STOX2: variants seen among roughly 807,000 people sequenced by gnomAD.
STOX2 encodes the protein storkhead-box protein 2.
A neutral mutation model predicts 60.9 loss-of-function variants in STOX2; 28 were observed. That is an observed-to-expected ratio of 0.46 (90% CI 0.34 to 0.63). The LOEUF is 0.63. Ranked by LOEUF, STOX2 falls within the 30% of genes least tolerant of loss-of-function variation. The pLI, the probability that STOX2 is intolerant of heterozygous loss-of-function variation, is 0.01. For missense variants in STOX2, 1,024 were observed against 1,187.7 expected (o/e 0.86, Z 2.03); for synonymous variants, 472 against 463.9 (o/e 1.02, Z -0.22).
intron 1 of STOX2, among the ~76,000 whole-genome samples, chr4:183,969,399 A>G (rs562345781): frequency 1.3e-5 from 2 of 152,320 alleles, no homozygotes; most frequent in African/African-American, 4.8e-5. Context: ...ATTTGGAAAC[A>G]TTTACTTTTA....
At chr4:183,981,063 A>G (rs757309446) in intron 1 of STOX2, among the ~76,000 whole-genome samples, 16 of 152,194 alleles carry the variant, frequency 1.1e-4, no homozygotes, top group Non-Finnish European at 2.2e-4. Context: ...GGGAAATACC[A>G]TTTTTAGGGC....
chr4:184,012,571 T>C (rs1407953147), intron 3 of STOX2, among the ~76,000 whole-genome samples: 14 of 152,204 alleles, frequency 9.2e-5, no homozygotes, highest in Non-Finnish European at 1.8e-4. Flanking sequence ...CTTTGTGATT[T>C]ATTAAAGGGC....
chr4:183,999,730 A>G (rs905623975), intron 1 of STOX2, among the ~76,000 whole-genome samples: 4 of 152,090 alleles, frequency 2.6e-5, no homozygotes, highest in African/African-American at 9.7e-5. Context: ...CATCGAGCAA[A>G]CCATTTCTCT....
Position 184,021,021 on chromosome 4 carries a change from T to C in STOX2, c.*3737T>C, listed in dbSNP as rs1186528667. ...GGATAAACCACTTATCACCACCAAG[T>C]GTACTTGAAAATAAAGTTTTTAACT... On this transcript the variant is annotated 3_prime_UTR_variant, in exon 4 of 4. Coordinates refer to ENST00000308497, the MANE Select transcript of STOX2 (RefSeq NM_020225.3). 1 of 152,236 alleles carries C rather than the reference T, an allele frequency of 6.6e-6. No homozygotes were observed. The highest frequency in any genetic ancestry group is 1.5e-5 in the Non-Finnish European group (1 of 68,048). The allele number at this position is 152,236 out of a possible 1,614,324, so 9.4% of individuals were successfully genotyped here.
chr4:183,957,837 A>T (rs997729350), intron 1 of STOX2, among the ~76,000 whole-genome samples: 2 of 151,714 alleles, frequency 1.3e-5, no homozygotes, highest in African/African-American at 4.8e-5. Flanking sequence ...AATATCGTGA[A>T]TAAGGCACCC....
At position 184,001,482 on chromosome 4, in the gene STOX2, C is replaced by G; in HGVS notation, c.319+5C>G. ...ACCTGACCACGTGCTTCCCAGGTAACGAGGCGGGAACGTAGCACTTTCCAG... is the reference window on the plus strand; with the variant it reads ...ACCTGACCACGTGCTTCCCAGGTAAGGAGGCGGGAACGTAGCACTTTCCAG... On this transcript the variant is annotated splice_donor_5th_base_variant and intron_variant, in intron 2 of 3. Coordinates refer to ENST00000308497, the MANE Select transcript of STOX2 (RefSeq NM_020225.3). This position sits in a 1 kb window ranked among gnomAD's most constrained non-coding sequence, Gnocchi z 4.2. The G allele has an allele frequency of 2.5e-6, 4 of 1,613,386 alleles. No homozygotes were observed. Among genetic ancestry groups the G allele is most frequent in the South Asian group, 2.2e-5 (2 of 91,010 alleles).
intron 1 of STOX2, among the ~76,000 whole-genome samples, chr4:183,852,628 A>G (rs931221887): frequency 3.3e-5 from 5 of 152,216 alleles, no homozygotes; most frequent in Non-Finnish European, 5.9e-5. Flanking sequence ...AGGTTGAACG[A>G]TCTGACCACA....
chr4:183,970,181 TGG>T lies in STOX2; in HGVS notation c.167-31141_167-31140del, dbSNP rs61235252. 1.5e-3 allele frequency among the ~76,000 whole-genome samples: 211 copies of T among 136,478 alleles called. 1 individual carries two copies. Among genetic ancestry groups the T allele is most frequent in the African/African-American group, 5.8e-3 (203 of 35,290 alleles). 89.5% of individuals were successfully genotyped at this position (136,478 alleles called of 152,430 possible). A position where few individuals can be genotyped will look rare whatever the true frequency, so the allele number is the denominator to read the frequency against. On this transcript the variant is annotated intron_variant, in intron 1 of 3. Coordinates refer to ENST00000308497, the MANE Select transcript of STOX2 (RefSeq NM_020225.3). ...GTGTGTGTGTGTGTGTGTGTGTGTG[TGG>T]GGTTCCAGCTGAATTTTCTGTCCCG...
Position 184,021,275 on chromosome 4 carries a change from A to C in STOX2, c.*3991A>C, listed in dbSNP as rs890528044. 6.6e-6 allele frequency: 1 copy of C among 152,224 alleles called. No individual in the cohort carries two copies. Among genetic ancestry groups the C allele is most frequent in the African/African-American group, 2.4e-5 (1 of 41,464 alleles). 9.4% of individuals were successfully genotyped at this position (152,224 alleles called of 1,614,324 possible). ...CGCATACTTACAACGAATTAACAAAAGGAGTGACTTAAGATTCTCCAGGAA... is the reference window on the plus strand; with the variant it reads ...CGCATACTTACAACGAATTAACAAACGGAGTGACTTAAGATTCTCCAGGAA... On this transcript the variant is annotated 3_prime_UTR_variant, in exon 4 of 4. Transcript: ENST00000308497.
At chr4:183,994,205 TCC>T (rs1264204552) in intron 1 of STOX2, among the ~76,000 whole-genome samples, 1 of 152,176 alleles carries the variant, frequency 6.6e-6, no homozygotes, top group African/African-American at 2.4e-5. Context: ...AGTTGTGTTG[TCC>T]CCATGCCCAT....
intron 1 of STOX2, among the ~76,000 whole-genome samples, chr4:183,879,955 C>G (rs1740918024): frequency 6.6e-6 from 1 of 152,064 alleles, no homozygotes; most frequent in Non-Finnish European, 1.5e-5. Context: ...TAGCTACAGC[C>G]TTAGGAAAGG....
In STOX2 at chr4:184,023,467, T is replaced by C. The variant is rs1057311243; in HGVS notation, c.*6183T>C. The C allele has an allele frequency of 5.1e-4, 77 of 152,360 alleles. No individual in the cohort carries two copies. Among genetic ancestry groups the C allele is most frequent in the African/African-American group, 1.8e-3 (73 of 41,590 alleles). 9.4% of individuals were successfully genotyped at this position (152,360 alleles called of 1,614,324 possible). On this transcript the variant is annotated 3_prime_UTR_variant, in exon 4 of 4. Coordinates refer to ENST00000308497, the MANE Select transcript of STOX2 (RefSeq NM_020225.3). Reference sequence around the variant, plus strand: ...TGTTCATGTTGTTTATGTAGTGTTGTGTGAAATATCCATTTTGGATTGTGT... The same window carrying C: ...TGTTCATGTTGTTTATGTAGTGTTGCGTGAAATATCCATTTTGGATTGTGT...
chr4:183,956,439 C>CGTCT (rs1553981706), intron 1 of STOX2, among the ~76,000 whole-genome samples: 1 of 145,880 alleles, frequency 6.9e-6, no homozygotes, highest in Admixed American at 6.9e-5. Flanking sequence ...TTCTATCATT[C>CGTCT]ATCTATCTAT....
At chr4:184,000,761 GTGT>G (rs34104084) in intron 1 of STOX2, among the ~76,000 whole-genome samples, 61,233 of 151,796 alleles carry the variant, frequency 0.4, 13,251 homozygotes, top group East Asian at 0.58. Flanking sequence ...CAGCACCCAG[GTGT>G]TGTTCTGTTC....
intron 1 of STOX2, among the ~76,000 whole-genome samples, chr4:183,913,542 G>A (rs1018156410): frequency 1.3e-5 from 2 of 152,146 alleles, no homozygotes; most frequent in African/African-American, 4.8e-5. Context: ...GGAGGGCGAG[G>A]CGGGCAGATT....
upstream of STOX2, among the ~76,000 whole-genome samples, chr4:183,902,884 G>A (rs185867778): frequency 2.0e-5 from 3 of 152,284 alleles, no homozygotes; most frequent in Admixed American, 6.5e-5. Context: ...AGTTGGCCAC[G>A]AACACTGGAT....
rs181644222 is a variant in STOX2, at chr4:183,867,759, C to T, written c.364+69704C>T. On this transcript the variant is annotated intron_variant, in intron 1 of 2. Transcript: ENST00000513034. ...TATTAATCGTGCTCCCTTGCTGCTC[C>T]AGGCTCTGTGCTGGGCTCAAGAGAC... Among the ~76,000 whole-genome samples the T allele has an allele frequency of 2.0e-5, 3 of 152,338 alleles. No individual in the cohort carries two copies. The East Asian group carries it at 5.8e-4, about 29-fold the overall frequency.
chr4:183,982,002 G>T (rs565939989), intron 1 of STOX2, among the ~76,000 whole-genome samples: 7 of 152,196 alleles, frequency 4.6e-5, no homozygotes, highest in African/African-American at 1.7e-4. Context: ...CTTTTCTTTC[G>T]ATATATTTTA....
chr4:183,863,941 C>T (rs1009924350), intron 1 of STOX2, among the ~76,000 whole-genome samples: 4 of 152,168 alleles, frequency 2.6e-5, no homozygotes, highest in African/African-American at 7.2e-5. Context: ...GACTTTAATT[C>T]GAAACAGAAT....
Sources: allele counts gnomAD v4.1 joint callset (sites outside exome capture counted in the v4.1 genomes callset), GRCh38; gene constraint gnomAD v4.1.1; non-coding constraint Gnocchi (gnomAD v3.1); transcripts MANE v1.5; gene names NCBI Gene and HGNC (gene_info 2026-07-23, HGNC 2026-07-21).